The following RSRC1 variants were observed in gnomAD, a reference collection of about 807,000 sequenced individuals.
The protein encoded by RSRC1 is arginine and serine rich coiled-coil 1.
RSRC1 carries 39 observed loss-of-function variants against 49.1 expected under a neutral mutation model. The observed-to-expected ratio is 0.79, with a 90% CI of 0.61 to 1.04. RSRC1 has a LOEUF of 1.04. Ranked by LOEUF, RSRC1 falls within the 50% of genes least tolerant of loss-of-function variation. The probability of loss-of-function intolerance (pLI) is 0.00; values close to 1 mark genes in which losing one functional copy is unlikely to be tolerated. For missense variants in RSRC1, 388 were observed against 402.4 expected, an observed-to-expected ratio of 0.96 and a Z score of 0.31; for synonymous variants, 143 against 130.8, an observed-to-expected ratio of 1.09 and a Z score of -0.63.
intron 3 of RSRC1, among the ~76,000 whole-genome samples, chr3:158,169,330 A>C (rs1222761017): frequency 6.6e-6 from 1 of 152,126 alleles, no homozygotes; most frequent in Non-Finnish European, 1.5e-5. Context: ...TTCTCCTTTC[A>C]CAAATATTAA....
At chr3:158,499,899 A>G (rs1045952231) in intron 7 of RSRC1, among the ~76,000 whole-genome samples, 6 of 152,050 alleles carry the variant, frequency 3.9e-5, no homozygotes, top group East Asian at 1.9e-4. Context: ...TTCGAGTACT[A>G]TGTTGAAGAG....
At chr3:158,365,588 A>G (rs767248369) in intron 6 of RSRC1, among the ~76,000 whole-genome samples, 1 of 152,146 alleles carries the variant, frequency 6.6e-6, no homozygotes, top group Non-Finnish European at 1.5e-5. Flanking sequence ...TGCTATTGTA[A>G]ACAGTGCTGC....
intron 7 of RSRC1, chr3:158,469,741 A>G (rs1357724437): frequency 6.6e-6 from 1 of 152,184 alleles, no homozygotes; most frequent in Non-Finnish European, 1.5e-5. Context: ...TGCCTGAATC[A>G]GGCTCTGTTG....
chr3:158,162,160 GCTTT>G (rs1426186705), intron 3 of RSRC1, among the ~76,000 whole-genome samples: 2 of 152,068 alleles, frequency 1.3e-5, no homozygotes, highest in African/African-American at 2.4e-5. Flanking sequence ...CTGATAAACA[GCTTT>G]CTTTTTTGTT....
intron 6 of RSRC1, among the ~76,000 whole-genome samples, chr3:158,439,599 G>A (rs953143561): frequency 2.6e-5 from 4 of 152,100 alleles, no homozygotes; most frequent in Non-Finnish European, 4.4e-5. Flanking sequence ...TCACTTATAG[G>A]TGGGAGTTGA....
chr3:158,297,693 AT>A (rs1207398118), intron 4 of RSRC1, among the ~76,000 whole-genome samples: 1 of 151,438 alleles, frequency 6.6e-6, no homozygotes, highest in Non-Finnish European at 1.5e-5. Flanking sequence ...TTCATAATAA[AT>A]GTTGGAAATA....
intron 3 of RSRC1, among the ~76,000 whole-genome samples, chr3:158,177,858 C>G (rs1232048422): frequency 6.6e-6 from 1 of 152,088 alleles, no homozygotes; most frequent in African/African-American, 2.4e-5. Flanking sequence ...TATCAATATA[C>G]TTTTTAGAAT....
At chr3:158,470,355 C>CATATATAT (rs1305618940) in intron 7 of RSRC1, among the ~76,000 whole-genome samples, 4 of 117,204 alleles carry the variant, frequency 3.4e-5, no homozygotes, top group African/African-American at 1.5e-4. Flanking sequence ...CACACACACA[C>CATATATAT]ACACACATAT....
intron 5 of RSRC1, among the ~76,000 whole-genome samples, chr3:158,300,547 T>C (rs1028588377): frequency 1.3e-5 from 2 of 152,212 alleles, no homozygotes. Context: ...TTTGTGTCTC[T>C]CCCTTTCACT....
chr3:158,149,830 A>G (rs1051970676), intron 3 of RSRC1, among the ~76,000 whole-genome samples: 1 of 152,258 alleles, frequency 6.6e-6, no homozygotes, highest in South Asian at 2.1e-4. Flanking sequence ...TCATGTTCCT[A>G]TTGTTCTGGC....
chr3:158,263,800 C>G (rs929840318), intron 4 of RSRC1, among the ~76,000 whole-genome samples: 1 of 152,014 alleles, frequency 6.6e-6, no homozygotes, highest in Non-Finnish European at 1.5e-5. Context: ...TTCATGTTAC[C>G]TAAGGTGTTG....
At chr3:158,227,483 CTA>C (rs1722592827) in intron 4 of RSRC1, among the ~76,000 whole-genome samples, 1 of 151,572 alleles carries the variant, frequency 6.6e-6, no homozygotes, top group Non-Finnish European at 1.5e-5. Context: ...TTGTTATTGA[CTA>C]TATAAACCTT....
chr3:158,429,856 G>T (rs1202256225), intron 6 of RSRC1, among the ~76,000 whole-genome samples: 3 of 151,578 alleles, frequency 2.0e-5, no homozygotes, highest in Non-Finnish European at 4.4e-5. Context: ...GGAGTGAAAT[G>T]GTGGTTACCG....
chr3:158,438,671 A>G (rs1295199755), intron 6 of RSRC1, among the ~76,000 whole-genome samples: 11 of 152,214 alleles, frequency 7.2e-5, no homozygotes, highest in Non-Finnish European at 1.6e-4. Context: ...AATTAATTCA[A>G]GATGGATTAA....
chr3:158,132,691 A>G (rs1401302544), intron 3 of RSRC1, among the ~76,000 whole-genome samples: 1 of 152,224 alleles, frequency 6.6e-6, no homozygotes, highest in Non-Finnish European at 1.5e-5. Flanking sequence ...ATACTGGATG[A>G]GCTATCCTTT....
chr3:158,321,318 T>C (rs184586747), intron 5 of RSRC1, among the ~76,000 whole-genome samples: 64 of 151,982 alleles, frequency 4.2e-4, no homozygotes, highest in Non-Finnish European at 5.4e-4. Flanking sequence ...CTTCTTCCTC[T>C]TCTTCTTCTT....
At chr3:158,474,733 C>G (rs1025687316) in intron 7 of RSRC1, among the ~76,000 whole-genome samples, 5 of 152,184 alleles carry the variant, frequency 3.3e-5, no homozygotes, top group African/African-American at 1.2e-4. Context: ...GGCTCCACTT[C>G]TAATTCTAGC....
chr3:158,362,801 C>T (rs1209680454), intron 6 of RSRC1, among the ~76,000 whole-genome samples: 1 of 152,070 alleles, frequency 6.6e-6, no homozygotes, highest in Non-Finnish European at 1.5e-5. Flanking sequence ...TCATCTTATC[C>T]CAAATGTGTC....
intron 4 of RSRC1, among the ~76,000 whole-genome samples, chr3:158,295,627 C>T (rs998479741): frequency 2.6e-5 from 4 of 151,874 alleles, no homozygotes; most frequent in African/African-American, 9.7e-5. Context: ...ATAGCCAGGG[C>T]CCTATGGTTG....
Sources: gnomAD v4.1 joint callset for allele counts (sites outside exome capture counted in the v4.1 genomes callset) on GRCh38, gnomAD v4.1.1 for gene constraint, MANE v1.5 for transcripts, NCBI Gene and HGNC (gene_info 2026-07-23, HGNC 2026-07-21) for gene names.